PRKAR2B: variants seen among roughly 807,000 people sequenced by gnomAD.
PRKAR2B encodes the protein protein kinase cAMP-dependent type II regulatory subunit beta.
In PRKAR2B, 14 loss-of-function variants were observed where a neutral mutation model predicts 49.9. The ratio of observed to expected loss-of-function variants is 0.28; its 90% CI spans 0.19 to 0.44. PRKAR2B has a LOEUF of 0.44. PRKAR2B is among the 20% of genes least tolerant of loss of function. The pLI, the probability that PRKAR2B is intolerant of heterozygous loss-of-function variation, is 1.00. For missense variants in PRKAR2B, 393 were observed against 537.9 expected (o/e 0.73, Z 2.67); for synonymous variants, 196 against 197.7 (o/e 0.99, Z 0.07).
chr7:107,114,618 C>A (rs1470832589), intron 2 of PRKAR2B, among the ~76,000 whole-genome samples: 1 of 151,192 alleles, frequency 6.6e-6, no homozygotes, highest in African/African-American at 2.4e-5. Flanking sequence ...GATACACCTG[C>A]CTTGGCCTCC....
intron 1 of PRKAR2B, among the ~76,000 whole-genome samples, chr7:107,047,583 A>T (rs997060840): frequency 9.2e-5 from 14 of 152,102 alleles, no homozygotes; most frequent in Admixed American, 7.9e-4. Context: ...AACAGGAGTG[A>T]TCCTAAAAAG....
At chr7:107,096,418 CG>C (rs1794838333) in intron 2 of PRKAR2B, among the ~76,000 whole-genome samples, 1 of 151,212 alleles carries the variant, frequency 6.6e-6, no homozygotes, top group African/African-American at 2.4e-5. Context: ...GTCTTGCTAG[CG>C]GTCTGTCAAT....
Position 107,044,799 on chromosome 7 carries a change from C to T in PRKAR2B, c.-109C>T, listed in dbSNP as rs1793654969. ...GGGGCCCAGTGCGCCGCGCTCGCAGCCGGTAGCGCGCCAGCGCCGTAGGCG... is the reference window on the plus strand; with the variant it reads ...GGGGCCCAGTGCGCCGCGCTCGCAGTCGGTAGCGCGCCAGCGCCGTAGGCG... On this transcript the variant is annotated 5_prime_UTR_variant, in exon 1 of 11. Coordinates refer to ENST00000265717, the MANE Select transcript of PRKAR2B (RefSeq NM_002736.3). 1.2e-6 allele frequency: 1 copy of T among 842,056 alleles called. No individual in the cohort carries two copies. The highest frequency in any genetic ancestry group is 1.5e-6 in the Non-Finnish European group (1 of 653,892). 52.2% of individuals were successfully genotyped at this position (842,056 alleles called of 1,614,324 possible). A position where few individuals can be genotyped will look rare whatever the true frequency, so the allele number is the denominator to read the frequency against.
At chr7:107,149,205 A>C (rs1470481994) in intron 6 of PRKAR2B, among the ~76,000 whole-genome samples, 1 of 152,182 alleles carries the variant, frequency 6.6e-6, no homozygotes, top group African/African-American at 2.4e-5. Flanking sequence ...GCTTGGAAAT[A>C]ATTTCAATAT....
intron 2 of PRKAR2B, among the ~76,000 whole-genome samples, chr7:107,074,760 C>T (rs10953528): frequency 0.35 from 52,895 of 151,582 alleles, 11,124 homozygotes; most frequent in South Asian, 0.48. Context: ...ATTGCGCCAC[C>T]GTACTCCAGC....
intron 4 of PRKAR2B, among the ~76,000 whole-genome samples, chr7:107,139,007 A>T (rs1003224841): frequency 6.6e-5 from 10 of 152,182 alleles, no homozygotes; most frequent in African/African-American, 2.4e-4. Flanking sequence ...AGAAAAAAAA[A>T]TGACAATCAT....
chr7:107,062,742 T>C (rs1794050446), intron 1 of PRKAR2B, among the ~76,000 whole-genome samples: 1 of 152,074 alleles, frequency 6.6e-6, no homozygotes, highest in African/African-American at 2.4e-5. Flanking sequence ...TCTTGAAATC[T>C]TTTTTTTCCA....
intron 4 of PRKAR2B, among the ~76,000 whole-genome samples, chr7:107,131,566 T>A (rs1795604331): frequency 1.3e-5 from 2 of 152,188 alleles, no homozygotes; most frequent in South Asian, 4.1e-4. Flanking sequence ...ATTGTCATGA[T>A]CGAATGTTTT....
intron 1 of PRKAR2B, among the ~76,000 whole-genome samples, chr7:107,046,904 TGAA>T (rs1355237829): frequency 6.6e-6 from 1 of 152,216 alleles, no homozygotes; most frequent in Admixed American, 6.5e-5. Context: ...ATGCATTTGT[TGAA>T]GTACTTTGCA....
chr7:107,156,353 G>A (rs966124427), intron 8 of PRKAR2B, among the ~76,000 whole-genome samples: 11 of 152,038 alleles, frequency 7.2e-5, no homozygotes, highest in East Asian at 1.9e-4. Context: ...TGGGAGAGTC[G>A]CCTGAATCCA....
chr7:107,156,379 A>C (rs1199306505), intron 8 of PRKAR2B, among the ~76,000 whole-genome samples: 1 of 152,134 alleles, frequency 6.6e-6, no homozygotes, highest in Non-Finnish European at 1.5e-5. Flanking sequence ...TGGAGGCTGC[A>C]GTGAGCTGAG....
intron 5 of PRKAR2B, among the ~76,000 whole-genome samples, chr7:107,144,786 C>CTT (rs11414978): frequency 1.1e-4 from 9 of 81,918 alleles, no homozygotes; most frequent in African/African-American, 2.2e-4. Context: ...TTAAAAGCCA[C>CTT]TTTTTTTTTT....
intron 1 of PRKAR2B, among the ~76,000 whole-genome samples, chr7:107,068,114 A>G (rs943038148): frequency 6.6e-6 from 1 of 152,148 alleles, no homozygotes; most frequent in African/African-American, 2.4e-5. Context: ...AAATTTAGAA[A>G]ACATCTTCTA....
intron 2 of PRKAR2B, among the ~76,000 whole-genome samples, chr7:107,098,683 A>C (rs1794899463): frequency 6.6e-6 from 1 of 152,158 alleles, no homozygotes; most frequent in Non-Finnish European, 1.5e-5. Context: ...GGTGACGTAC[A>C]AATGGGGTTT....
chr7:107,046,605 G>A lies in PRKAR2B; in HGVS notation c.307+1391G>A, dbSNP rs1793699792. ...AAACATAGTCTTAATAATTCTTTTT[G>A]CACAAGAATCGAATCAAAAGCTTTT... On this transcript the variant is annotated intron_variant, in intron 1 of 10. Coordinates refer to ENST00000265717, the MANE Select transcript of PRKAR2B (RefSeq NM_002736.3). Among the ~76,000 whole-genome samples, 3 of 152,020 alleles carry A rather than the reference G, an allele frequency of 2.0e-5. No homozygotes were observed. The South Asian group carries it at 6.2e-4, about 32-fold the overall frequency.
At chr7:107,089,911 C>A (rs755129503) in intron 2 of PRKAR2B, among the ~76,000 whole-genome samples, 3 of 152,208 alleles carry the variant, frequency 2.0e-5, no homozygotes, top group Non-Finnish European at 4.4e-5. Flanking sequence ...ATTGACTAGT[C>A]ACTAGCATTT....
chr7:107,153,924 A>T (rs1796033317), intron 8 of PRKAR2B, among the ~76,000 whole-genome samples: 1 of 152,238 alleles, frequency 6.6e-6, no homozygotes. Context: ...TTTGTATCAC[A>T]GCCTTATACT....
rs776808900 is a variant in PRKAR2B, at chr7:107,084,714, G to A, written c.343+14398G>A. On this transcript the variant is annotated intron_variant, in intron 2 of 10. Coordinates refer to ENST00000265717, the MANE Select transcript of PRKAR2B (RefSeq NM_002736.3). ...TGGCTCACTGCAAGCTCCGCCTCCC[G>A]GGTTCACGCCATTCTCCTGCCTCAA... 3.3e-5 allele frequency among the ~76,000 whole-genome samples: 5 copies of A among 150,782 alleles called. No individual in the cohort carries two copies. The South Asian group carries it at 6.3e-4, about 19-fold the overall frequency.
intron 3 of PRKAR2B, 138 bp downstream of exon 3, chr7:107,122,142 G>GGAAA: frequency 2.0e-6 from 1 of 491,058 alleles, no homozygotes; most frequent in Non-Finnish European, 3.5e-6. Context: ...TCTTTTCCTA[G>GGAAA]TCTCATCTCC....
Sources: gnomAD v4.1 joint callset for allele counts (sites outside exome capture counted in the v4.1 genomes callset) on GRCh38, gnomAD v4.1.1 for gene constraint, MANE v1.5 for transcripts, NCBI Gene and HGNC (gene_info 2026-07-23, HGNC 2026-07-21) for gene names.